RAB33B: variants seen among roughly 807,000 people sequenced by gnomAD.
RAB33B encodes ras-related protein Rab-33B.
In RAB33B, 6 loss-of-function variants were observed where a neutral mutation model predicts 15.0. That is an observed-to-expected ratio of 0.40 (90% confidence interval 0.22 to 0.79). The LOEUF (loss-of-function observed/expected upper bound fraction) is 0.79, where lower values mean the gene tolerates loss of function less well. RAB33B is among the 30% of genes least tolerant of loss of function. RAB33B has a pLI of 0.37. For missense variants in RAB33B, 257 were observed against 296.4 expected (o/e 0.87, Z 0.98); for synonymous variants, 117 against 108.3 (o/e 1.08, Z -0.50).
At position 139,472,214 on chromosome 4, in the gene RAB33B, T is replaced by G. The variant is rs1750406179; in HGVS notation, c.250-472T>G. Among the ~76,000 whole-genome samples the G allele has an allele frequency of 1.3e-5, 2 of 152,154 alleles. 1 individual carries two copies. Among genetic ancestry groups the G allele is most frequent in the Admixed American group, 1.3e-4 (2 of 15,266 alleles). On this transcript the variant is annotated intron_variant, in intron 1 of 1. Transcript: ENST00000305626. ...TCTTAAGTTTTCAAGGGGTCCTGGA[T>G]TTCATAGACATACACATACATGTAT...
intron 1 of RAB33B, among the ~76,000 whole-genome samples, chr4:139,458,714 GAAC>G (rs1176547678): frequency 6.6e-6 from 1 of 152,202 alleles, no homozygotes; most frequent in Non-Finnish European, 1.5e-5. Context: ...GTGCTGTCAT[GAAC>G]ATACATGTGT....
At position 139,472,931 on chromosome 4, in the gene RAB33B, A is replaced by G. The variant is rs1169514528; in HGVS notation, c.495A>G (p.Lys165=). The G allele has an allele frequency of 6.2e-7, 1 of 1,614,218 alleles. No homozygotes were observed. Among genetic ancestry groups the G allele is most frequent in the Non-Finnish European group, 8.5e-7 (1 of 1,180,040 alleles). Residue 165 remains lysine, a synonymous_variant, in exon 2 of 2, where the codon AAA becomes AAG. Coordinates refer to ENST00000305626, the MANE Select transcript of RAB33B (RefSeq NM_031296.3). ...AIQVPTDLAQ[K]FADTHSMPLF... is the part of the protein sequence containing the mutation. ...AGGTACCCACAGACTTGGCACAAAAATTTGCTGACACACACAGTATGCCTT... is the reference window on the plus strand; with the variant it reads ...AGGTACCCACAGACTTGGCACAAAAGTTTGCTGACACACACAGTATGCCTT...
At chr4:139,442,181 T>C in the RAB33B span, among the ~76,000 whole-genome samples, 1 of 152,192 alleles carries the variant, frequency 6.6e-6, no homozygotes, top group Non-Finnish European at 1.5e-5. Flanking sequence ...ATTGAGATTT[T>C]TTGGGTGTAA....
At chr4:139,459,631 C>CTT (rs377126007) in intron 1 of RAB33B, among the ~76,000 whole-genome samples, 5 of 142,666 alleles carry the variant, frequency 3.5e-5, no homozygotes, top group East Asian at 2.0e-4. Context: ...TAGTTCAGTT[C>CTT]TTTTTTTTTT....
chr4:139,454,140 C>G lies in RAB33B; in HGVS notation c.-56C>G, dbSNP rs936307967. 5 of 1,552,628 alleles carry G rather than the reference C, an allele frequency of 3.2e-6. No homozygotes were observed. Among genetic ancestry groups the G allele is most frequent in the African/African-American group, 1.4e-5 (1 of 73,400 alleles). On this transcript the variant is annotated 5_prime_UTR_variant, in exon 1 of 2. It adds an upstream start codon to the 5' untranslated region. Coordinates refer to ENST00000305626, the MANE Select transcript of RAB33B (RefSeq NM_031296.3). ...GCGCGCGCTCTTGCGGTGGCGTAAT[C>G]TCTCAGCCTTTCTGTGTCTCCTTTC...
At chr4:139,462,863 A>G (rs1750200486) in intron 1 of RAB33B, among the ~76,000 whole-genome samples, 1 of 152,228 alleles carries the variant, frequency 6.6e-6, no homozygotes, top group Non-Finnish European at 1.5e-5. Context: ...GATTATTTGA[A>G]AGGAATACTG....
At chr4:139,457,164 A>T (rs538678510) in intron 1 of RAB33B, among the ~76,000 whole-genome samples, 2 of 152,346 alleles carry the variant, frequency 1.3e-5, no homozygotes, top group South Asian at 4.1e-4. Flanking sequence ...GAATCCGTTA[A>T]AATGTTTTAT....
chr4:139,454,029 A>G (rs190790812), upstream of RAB33B: 2 of 745,410 alleles, frequency 2.7e-6, no homozygotes, highest in African/African-American at 1.8e-5. Context: ...TGTGCGGGCA[A>G]GGGCGGGGCG....
At chr4:139,454,642 A>G (rs1750027890) in intron 1 of RAB33B, among the ~76,000 whole-genome samples, 198 bp downstream of exon 1, 1 of 152,144 alleles carries the variant, frequency 6.6e-6, no homozygotes, top group Non-Finnish European at 1.5e-5. Flanking sequence ...TGTGCATGCG[A>G]TTTACCTGGG....
chr4:139,449,925 C>A (rs2111061061), upstream of RAB33B: 1 of 152,296 alleles, frequency 6.6e-6, no homozygotes, highest in South Asian at 2.1e-4. Flanking sequence ...TACAAGTGGG[C>A]AGAGCCATTT....
the RAB33B span, among the ~76,000 whole-genome samples, chr4:139,446,987 C>T: frequency 1.8e-4 from 28 of 152,332 alleles, no homozygotes; most frequent in African/African-American, 6.3e-4. Flanking sequence ...CTGGAATAAA[C>T]ACTTATTCCA....
rs1750465593 is a variant in RAB33B, at chr4:139,474,623, C to T, written c.*1497C>T. On this transcript the variant is annotated 3_prime_UTR_variant, in exon 2 of 2. Transcript: ENST00000305626. Reference sequence around the variant, plus strand: ...CTAAATTTTATGGTCACAAGTTATCCCTCCTCAGTATGAAAAATAAATTAG... The same window carrying T: ...CTAAATTTTATGGTCACAAGTTATCTCTCCTCAGTATGAAAAATAAATTAG... 6.6e-6 allele frequency: 1 copy of T among 152,462 alleles called. No homozygotes were observed. Among genetic ancestry groups the T allele is most frequent in the South Asian group, 2.1e-4 (1 of 4,816 alleles). 9.4% of individuals were successfully genotyped at this position (152,462 alleles called of 1,614,324 possible).
chr4:139,448,789 T>A (rs1468760706), upstream of RAB33B: 2 of 151,940 alleles, frequency 1.3e-5, no homozygotes, highest in Non-Finnish European at 2.9e-5. Context: ...TTTTGCAACA[T>A]GAGTGTTTGT....
chr4:139,467,725 T>C (rs1248717594), intron 1 of RAB33B, among the ~76,000 whole-genome samples: 1 of 151,718 alleles, frequency 6.6e-6, no homozygotes, highest in African/African-American at 2.4e-5. Flanking sequence ...GGGTATGTTA[T>C]CTTGCACCTG....
the RAB33B span, among the ~76,000 whole-genome samples, chr4:139,445,010 A>G: frequency 2.6e-5 from 4 of 152,166 alleles, no homozygotes; most frequent in African/African-American, 4.8e-5. Flanking sequence ...TCCCTGTTCA[A>G]CTCTCCCATT....
At chr4:139,442,524 C>A in the RAB33B span, among the ~76,000 whole-genome samples, 1 of 152,092 alleles carries the variant, frequency 6.6e-6, no homozygotes, top group Non-Finnish European at 1.5e-5. Flanking sequence ...CAGACCCACC[C>A]TTAATCTGGG....
At chr4:139,453,196 A>C (rs1042033281), upstream of RAB33B, 2 of 152,214 alleles carry the variant, frequency 1.3e-5, no homozygotes, top group African/African-American at 4.8e-5. Context: ...CCTAGTAACT[A>C]CCAGGTTCAA....
rs1750475185 is a variant in RAB33B at position 139,475,026 on chromosome 4, A to G, written c.*1900A>G. 1 of 152,186 alleles carries G rather than the reference A, an allele frequency of 6.6e-6. No individual in the cohort carries two copies. Among genetic ancestry groups the G allele is most frequent in the Non-Finnish European group, 1.5e-5 (1 of 67,980 alleles). 9.4% of individuals were successfully genotyped at this position (152,186 alleles called of 1,614,324 possible). ...GTAATTCTATTAAATGAACTAACTG[A>G]AAATAATAATTATAGGAAGTGATTA... On this transcript the variant is annotated 3_prime_UTR_variant, in exon 2 of 2. Coordinates refer to ENST00000305626, the MANE Select transcript of RAB33B (RefSeq NM_031296.3).
the RAB33B span, among the ~76,000 whole-genome samples, chr4:139,440,609 TG>T: frequency 6.7e-6 from 1 of 149,742 alleles, no homozygotes; most frequent in African/African-American, 2.5e-5. Flanking sequence ...GACTGGAAAT[TG>T]ACCAATTTTT....
Sources: allele counts gnomAD v4.1 joint callset (sites outside exome capture counted in the v4.1 genomes callset), GRCh38; gene constraint gnomAD v4.1.1; transcripts MANE v1.5; gene names NCBI Gene and HGNC (gene_info 2026-07-23, HGNC 2026-07-21).